Variants in GALNT13 observed in about 807,000 individuals in gnomAD.
GALNT13 encodes the protein UDP-GalNAc:polypeptide N-acetylgalactosaminyltransferase 13.
In GALNT13, 28 loss-of-function variants were observed where a neutral mutation model predicts 64.2. The observed-to-expected ratio is 0.44, with a 90% CI of 0.32 to 0.60. The LOEUF is 0.60. GALNT13 is among the 20% of genes least tolerant of loss of function. GALNT13 has a pLI of 0.05. For missense variants in GALNT13, 577 were observed against 669.8 expected (o/e 0.86, Z 1.53); for synonymous variants, 214 against 224.6 (o/e 0.95, Z 0.42).
chr2:153,464,930 G>A, the GALNT13 span, among the ~76,000 whole-genome samples: 1 of 152,084 alleles, frequency 6.6e-6, no homozygotes, highest in African/African-American at 2.4e-5. Context: ...GTTACATACT[G>A]GAAGATGCAT....
chr2:154,332,241 A>G (rs1695204964), intron 9 of GALNT13, among the ~76,000 whole-genome samples: 1 of 152,114 alleles, frequency 6.6e-6, no homozygotes, highest in African/African-American at 2.4e-5. Context: ...TAAGAGACAG[A>G]GAGATTGTGT....
At chr2:153,486,933 C>A in the GALNT13 span, among the ~76,000 whole-genome samples, 1 of 152,162 alleles carries the variant, frequency 6.6e-6, no homozygotes, top group African/African-American at 2.4e-5. Context: ...GTTGCACCAG[C>A]TTCAATATGG....
chr2:153,113,344 C>T, the GALNT13 span, among the ~76,000 whole-genome samples: 1 of 152,000 alleles, frequency 6.6e-6, no homozygotes, highest in African/African-American at 2.4e-5. Context: ...ATGCTGGATT[C>T]CATGTTGAAA....
At chr2:153,181,826 T>C in the GALNT13 span, among the ~76,000 whole-genome samples, 1 of 146,078 alleles carries the variant, frequency 6.8e-6, no homozygotes, top group Non-Finnish European at 1.5e-5. Flanking sequence ...ATTTATATAA[T>C]ATAACATAAT....
intron 2 of GALNT13, among the ~76,000 whole-genome samples, chr2:153,906,980 A>G (rs1272805423): frequency 6.6e-6 from 1 of 151,768 alleles, no homozygotes; most frequent in African/African-American, 2.4e-5. Context: ...TTTGATTTGC[A>G]TTTCTCTGAT....
intron 3 of GALNT13, among the ~76,000 whole-genome samples, chr2:154,096,127 CACAA>C (rs1272552137): frequency 6.6e-6 from 1 of 151,920 alleles, no homozygotes; most frequent in Non-Finnish European, 1.5e-5. Context: ...CATATTTTTA[CACAA>C]ACAAATTGAA....
At chr2:153,733,962 A>C in the GALNT13 span, among the ~76,000 whole-genome samples, 1 of 152,034 alleles carries the variant, frequency 6.6e-6, no homozygotes, top group Non-Finnish European at 1.5e-5. Context: ...TTATTTCTTC[A>C]ATGTCTACAT....
chr2:153,790,507 C>A, the GALNT13 span, among the ~76,000 whole-genome samples: 2 of 152,124 alleles, frequency 1.3e-5, no homozygotes, highest in African/African-American at 4.8e-5. Flanking sequence ...ACTGAATGGA[C>A]AAAGGCTGGA....
chr2:153,106,488 A>G, the GALNT13 span, among the ~76,000 whole-genome samples: 2 of 152,178 alleles, frequency 1.3e-5, no homozygotes, highest in African/African-American at 4.8e-5. Context: ...ATAACACAGC[A>G]AGCCCATCCC....
At chr2:153,085,452 T>A in the GALNT13 span, among the ~76,000 whole-genome samples, 1 of 152,264 alleles carries the variant, frequency 6.6e-6, no homozygotes, top group East Asian at 1.9e-4. Flanking sequence ...CCCCCAGGGC[T>A]GCTGTGTGCA....
chr2:154,150,644 C>G (rs567714612), intron 4 of GALNT13, among the ~76,000 whole-genome samples: 12 of 152,136 alleles, frequency 7.9e-5, no homozygotes, highest in African/African-American at 2.6e-4. Context: ...AACTTCTTCC[C>G]GGTTTAGTCT....
the GALNT13 span, among the ~76,000 whole-genome samples, chr2:153,152,434 T>C: frequency 5.3e-5 from 8 of 151,988 alleles, no homozygotes; most frequent in African/African-American, 1.9e-4. Context: ...TTCTTTCTTT[T>C]TAAGTTCAGG....
chr2:154,030,139 G>T (rs1698246984), intron 3 of GALNT13, among the ~76,000 whole-genome samples: 1 of 142,314 alleles, frequency 7.0e-6, no homozygotes, highest in South Asian at 2.2e-4. Context: ...TAATGACAAA[G>T]AAATTAAGGA....
At chr2:153,656,382 A>C in the GALNT13 span, among the ~76,000 whole-genome samples, 1 of 150,838 alleles carries the variant, frequency 6.6e-6, no homozygotes, top group Non-Finnish European at 1.5e-5. Context: ...GTGCATTCTA[A>C]ATTATGTAGA....
intron 9 of GALNT13, among the ~76,000 whole-genome samples, chr2:154,376,421 G>A (rs543381217): frequency 6.6e-6 from 1 of 152,154 alleles, no homozygotes; most frequent in South Asian, 2.1e-4. Context: ...CTTTGTTCAA[G>A]TCAGCACATA....
the GALNT13 span, among the ~76,000 whole-genome samples, chr2:153,561,882 G>A: frequency 6.6e-6 from 1 of 152,000 alleles, no homozygotes; most frequent in African/African-American, 2.4e-5. Flanking sequence ...ATCTATTAAT[G>A]TGTATTTTAG....
chr2:154,091,181 A>G (rs1190668402), intron 3 of GALNT13, among the ~76,000 whole-genome samples: 1 of 152,044 alleles, frequency 6.6e-6, no homozygotes, highest in East Asian at 1.9e-4. Context: ...CTTGTTGAGA[A>G]GATCTCCATT....
At chr2:154,081,196 G>A (rs923658287) in intron 3 of GALNT13, among the ~76,000 whole-genome samples, 11 of 151,464 alleles carry the variant, frequency 7.3e-5, no homozygotes, top group East Asian at 3.9e-4. Flanking sequence ...TTCATTTCTC[G>A]TTGCTAATCT....
the GALNT13 span, among the ~76,000 whole-genome samples, chr2:153,646,243 A>T: frequency 6.6e-6 from 1 of 152,024 alleles, no homozygotes; most frequent in African/African-American, 2.4e-5. Context: ...AAAAGCCTTT[A>T]TAAGTAATCT....
Sources: allele counts gnomAD v4.1 joint callset (sites outside exome capture counted in the v4.1 genomes callset), GRCh38; gene constraint gnomAD v4.1.1; transcripts MANE v1.5; gene names NCBI Gene and HGNC (gene_info 2026-07-23, HGNC 2026-07-21).